AP2A2: variants seen among roughly 807,000 people sequenced by gnomAD.
AP2A2 encodes the protein AP-2 complex subunit alpha-2.
A neutral mutation model predicts 104.2 loss-of-function variants in AP2A2; 32 were observed. The observed-to-expected ratio is 0.31, with a 90% CI of 0.23 to 0.41. The LOEUF is 0.41. Among genes scored for constraint, AP2A2 ranks in the 10% least tolerant of loss-of-function variants. The pLI is 1.00. For synonymous variants in AP2A2, 539 were observed against 533.3 expected, an observed-to-expected ratio of 1.01 and a Z score of -0.15; for missense variants, 912 against 1,261.0, an observed-to-expected ratio of 0.72 and a Z score of 4.19.
At chr11:988,965 A>G (rs926988905) in intron 10 of AP2A2, 1 of 477,394 alleles carries the variant, frequency 2.1e-6, no homozygotes, top group Non-Finnish European at 3.8e-6. Context: ...ACTGCACTCT[A>G]GCCTGGGCAA....
chr11:998,129 C>T (rs1049992676), intron 14 of AP2A2, among the ~76,000 whole-genome samples: 18 of 152,202 alleles, frequency 1.2e-4, no homozygotes, highest in African/African-American at 7.2e-5. Flanking sequence ...AGCAAAGCGC[C>T]GCCTTCAGAT....
At chr11:1,004,860 G>A (rs1007570839) in intron 16 of AP2A2, among the ~76,000 whole-genome samples, 3 of 151,936 alleles carry the variant, frequency 2.0e-5, no homozygotes, top group Admixed American at 6.6e-5. Flanking sequence ...TCTGCAGGGC[G>A]TGGTGACGTT....
chr11:932,037 G>A (rs1280054218), intron 1 of AP2A2, among the ~76,000 whole-genome samples: 1 of 151,674 alleles, frequency 6.6e-6, no homozygotes, highest in Non-Finnish European at 1.5e-5. Context: ...CTGACCTCGT[G>A]AGCCACCACG....
chr11:948,695 C>T lies in AP2A2; in HGVS notation c.68-10742C>T, dbSNP rs113136588. On this transcript the variant is annotated intron_variant, in intron 1 of 21. Coordinates refer to ENST00000448903, the MANE Select transcript of AP2A2 (RefSeq NM_012305.4). ...CAGTCTGGCCAATTTGGTGAAACCC[C>T]GTCTCTACAAAAAATATAAAAATTA... 8.3e-3 allele frequency among the ~76,000 whole-genome samples: 1,265 copies of T among 151,652 alleles called. 16 individuals are homozygous for T. The highest frequency in any genetic ancestry group is 0.029 in the African/African-American group (1,220 of 41,372).
At chr11:969,273 C>T (rs1424645948) in intron 2 of AP2A2, among the ~76,000 whole-genome samples, 1 of 133,396 alleles carries the variant, frequency 7.5e-6, no homozygotes, top group Non-Finnish European at 1.5e-5. Flanking sequence ...TCTTGTTGCC[C>T]AGGCTGGAGT....
intron 4 of AP2A2, among the ~76,000 whole-genome samples, 156 bp downstream of exon 4, chr11:972,411 T>G (rs1024940764): frequency 2.6e-5 from 4 of 152,246 alleles, no homozygotes; most frequent in African/African-American, 9.6e-5. Flanking sequence ...ATTACAAGTT[T>G]AGGCCGGGCA....
chr11:936,192 C>A (rs1015754444), intron 1 of AP2A2, among the ~76,000 whole-genome samples: 5 of 149,840 alleles, frequency 3.3e-5, no homozygotes, highest in African/African-American at 1.2e-4. Context: ...CAGGCGTGAA[C>A]CACTGCGCCT....
intron 15 of AP2A2, 61 bp downstream of exon 15, chr11:1,000,659 G>A: frequency 2.7e-6 from 4 of 1,486,064 alleles, no homozygotes; most frequent in Non-Finnish European, 3.6e-6. Flanking sequence ...CTGACTTCTG[G>A]TGTGGCCGCG....
chr11:941,593 CTT>C (rs869159950), intron 1 of AP2A2, among the ~76,000 whole-genome samples: 1 of 142,290 alleles, frequency 7.0e-6, no homozygotes, highest in Non-Finnish European at 1.5e-5. Flanking sequence ...CTTTCTTATT[CTT>C]TTTTTTTTTT....
At chr11:941,082 G>C (rs1853630399) in intron 1 of AP2A2, among the ~76,000 whole-genome samples, 1 of 152,224 alleles carries the variant, frequency 6.6e-6, no homozygotes, top group Non-Finnish European at 1.5e-5. Flanking sequence ...CGAGGGGCCT[G>C]CCTGGCTGCA....
intron 16 of AP2A2, among the ~76,000 whole-genome samples, chr11:1,004,534 G>A (rs1452146011): frequency 1.3e-5 from 2 of 152,012 alleles, no homozygotes; most frequent in African/African-American, 4.8e-5. Context: ...CCAGCACTTT[G>A]GGAGGCCGAG....
At chr11:938,132 A>G (rs2134471293) in intron 1 of AP2A2, among the ~76,000 whole-genome samples, 1 of 152,256 alleles carries the variant, frequency 6.6e-6, no homozygotes, top group Non-Finnish European at 1.5e-5. Flanking sequence ...GTGTTGCTTT[A>G]TGATGGTGAC....
chr11:991,318 G>C (rs956061659), intron 10 of AP2A2, among the ~76,000 whole-genome samples: 2 of 152,258 alleles, frequency 1.3e-5, no homozygotes, highest in African/African-American at 4.8e-5. Flanking sequence ...AGGACCGTGG[G>C]TTGCTGTGCT....
chr11:932,846 T>TA (rs138635996), intron 1 of AP2A2: 5,093 of 430,086 alleles, frequency 0.012, 249 homozygotes, highest in African/African-American at 0.095. Flanking sequence ...GCCAGATACT[T>TA]ACTATTACTT....
Position 993,682 on chromosome 11 carries a change from C to G in AP2A2, c.1551-72C>G, listed in dbSNP as rs1323711568. 1 of 1,235,346 alleles carries G rather than the reference C, an allele frequency of 8.1e-7. No individual in the cohort carries two copies. The highest frequency in any genetic ancestry group is 1.1e-6 in the Non-Finnish European group (1 of 885,626). 76.5% of individuals were successfully genotyped at this position (1,235,346 alleles called of 1,614,324 possible). On this transcript the variant is annotated intron_variant, in intron 12 of 21. Coordinates refer to ENST00000448903, the MANE Select transcript of AP2A2 (RefSeq NM_012305.4). The surrounding 1 kb of genome is among the most constrained non-coding windows in gnomAD (Gnocchi z 8.2). ...AGGCCAGGGGGTCTCGCCGCCGTCC[C>G]CCCCCCGCGGGGGCGTGCTGCAGCC... is the stretch of plus-strand genomic sequence containing the variant.
intron 15 of AP2A2, among the ~76,000 whole-genome samples, chr11:1,000,966 G>A (rs1446072770): frequency 6.6e-6 from 1 of 152,194 alleles, no homozygotes; most frequent in African/African-American, 2.4e-5. Flanking sequence ...CCTCTTTCCT[G>A]TCTAGTTGGG....
At chr11:955,124 A>G (rs1010553393) in intron 1 of AP2A2, among the ~76,000 whole-genome samples, 2 of 152,198 alleles carry the variant, frequency 1.3e-5, no homozygotes, top group Non-Finnish European at 2.9e-5. Context: ...AGAGAGCGCA[A>G]GGTCCCCTGT....
In AP2A2 at chr11:993,546, G is replaced by A. The variant is rs1278576810; in HGVS notation, c.1550+165G>A. Among the ~76,000 whole-genome samples, 2 of 152,274 alleles carry A rather than the reference G, an allele frequency of 1.3e-5. No homozygotes were observed. Among genetic ancestry groups the A allele is most frequent in the African/African-American group, 4.8e-5 (2 of 41,554 alleles). On this transcript the variant is annotated intron_variant, in intron 12 of 21. Coordinates refer to ENST00000448903, the MANE Select transcript of AP2A2 (RefSeq NM_012305.4). This position sits in a 1 kb window ranked among gnomAD's most constrained non-coding sequence, Gnocchi z 8.2. ...TTCCTTCAGTTGATAGAAAAAGCAG[G>A]GATTCTAGTAGAAAATGGAGACGTG... is the stretch of plus-strand genomic sequence containing the variant.
At chr11:998,728 T>C (rs1167083497) in intron 14 of AP2A2, among the ~76,000 whole-genome samples, 2 of 151,960 alleles carry the variant, frequency 1.3e-5, no homozygotes, top group Non-Finnish European at 2.9e-5. Flanking sequence ...AGTGTCAAAG[T>C]GTGAGTGTTG....
Sources: gnomAD v4.1 joint callset for allele counts (sites outside exome capture counted in the v4.1 genomes callset) on GRCh38, gnomAD v4.1.1 for gene constraint, Gnocchi (gnomAD v3.1) non-coding constraint, MANE v1.5 for transcripts, NCBI Gene and HGNC (gene_info 2026-07-23, HGNC 2026-07-21) for gene names.